The following MED13L variants were observed in gnomAD, a reference collection of about 807,000 sequenced individuals.
MED13L encodes the protein mediator complex subunit 13L.
MED13L carries 7 observed loss-of-function variants against 220.9 expected under a neutral mutation model. That is an observed-to-expected ratio of 0.03 (90% CI 0.02 to 0.06). The LOEUF (loss-of-function observed/expected upper bound fraction) is 0.06. Ranked by LOEUF, MED13L falls within the 10% of genes least tolerant of loss-of-function variation. The probability of loss-of-function intolerance (pLI) is 1.00; values close to 1 mark genes in which losing one functional copy is unlikely to be tolerated. For synonymous variants in MED13L, 1,011 were observed against 1,015.2 expected (o/e 1.00, Z 0.08); for missense variants, 1,965 against 2,760.5 (o/e 0.71, Z 6.46).
chr12:116,086,672 C>T (rs1871721957), intron 4 of MED13L, among the ~76,000 whole-genome samples: 1 of 152,196 alleles, frequency 6.6e-6, no homozygotes, highest in Non-Finnish European at 1.5e-5. Context: ...GCAAGCCACA[C>T]TTAACAGGTT....
chr12:116,103,464 T>G (rs752160182), intron 3 of MED13L, among the ~76,000 whole-genome samples: 1 of 152,152 alleles, frequency 6.6e-6, no homozygotes, highest in African/African-American at 2.4e-5. Context: ...CTTTTATTTT[T>G]ATTTAGAGAT....
chr12:116,043,919 T>C (rs533232913), intron 4 of MED13L, among the ~76,000 whole-genome samples: 1 of 152,190 alleles, frequency 6.6e-6, no homozygotes, highest in Non-Finnish European at 1.5e-5. Flanking sequence ...AGAAGCCTAA[T>C]TAATAGGGTT....
At chr12:116,241,306 TAAA>T (rs1231415481) in intron 1 of MED13L, among the ~76,000 whole-genome samples, 1 of 127,434 alleles carries the variant, frequency 7.8e-6, no homozygotes, top group South Asian at 2.5e-4. Context: ...TCCGTCTCTT[TAAA>T]AAAAAAACAA....
intron 3 of MED13L, among the ~76,000 whole-genome samples, chr12:116,099,342 A>C (rs1354695457): frequency 6.6e-6 from 1 of 152,212 alleles, no homozygotes; most frequent in Non-Finnish European, 1.5e-5. Flanking sequence ...AGTCTCCAAA[A>C]GCCATTGTTA....
intron 1 of MED13L, among the ~76,000 whole-genome samples, chr12:116,257,186 T>C (rs1164844261): frequency 6.6e-6 from 1 of 152,238 alleles, no homozygotes; most frequent in Non-Finnish European, 1.5e-5. Context: ...ATGAAGTTCA[T>C]TAGTGATATT....
At chr12:116,168,158 C>T (rs1879417323) in intron 2 of MED13L, among the ~76,000 whole-genome samples, 1 of 151,956 alleles carries the variant, frequency 6.6e-6, no homozygotes, top group African/African-American at 2.4e-5. Context: ...CAAAGAGTCA[C>T]ATGAATATAC....
intron 4 of MED13L, among the ~76,000 whole-genome samples, chr12:116,028,382 C>CAT (rs1388897686): frequency 2.0e-5 from 3 of 152,080 alleles, no homozygotes; most frequent in Non-Finnish European, 4.4e-5. Flanking sequence ...CCATTTATTT[C>CAT]ATATACTTTC....
At chr12:116,256,105 A>G (rs1336352396) in intron 1 of MED13L, among the ~76,000 whole-genome samples, 1 of 152,222 alleles carries the variant, frequency 6.6e-6, no homozygotes, top group African/African-American at 2.4e-5. Flanking sequence ...TAGAACTCCT[A>G]TAAAACTCAT....
At chr12:116,185,607 G>A (rs1010701604) in intron 2 of MED13L, among the ~76,000 whole-genome samples, 1 of 151,892 alleles carries the variant, frequency 6.6e-6, no homozygotes, top group African/African-American at 2.4e-5. Flanking sequence ...TTCCTGATAC[G>A]GCACATTTAA....
chr12:116,061,450 G>C (rs564271160), intron 4 of MED13L, among the ~76,000 whole-genome samples: 1 of 152,196 alleles, frequency 6.6e-6, no homozygotes, highest in Non-Finnish European at 1.5e-5. Flanking sequence ...GCTGCCTTAA[G>C]TCAATTAACT....
At chr12:115,987,739 G>C (rs925132595) in intron 17 of MED13L, among the ~76,000 whole-genome samples, 1 of 152,130 alleles carries the variant, frequency 6.6e-6, no homozygotes, top group East Asian at 1.9e-4. Flanking sequence ...GCTCCTAATT[G>C]TAAAAATATT....
Position 116,237,565 on chromosome 12 carries a change from T to A in MED13L, c.213A>T (p.Val71=), listed in dbSNP as rs751741298. 6.2e-7 allele frequency: 1 copy of A among 1,614,186 alleles called. No individual in the cohort carries two copies. The highest frequency in any genetic ancestry group is 1.1e-5 in the South Asian group (1 of 91,090). ...AATCTGGTTTGACATCACGACGCCATACACAAAGCAGGTTAGCTTGCAGAC... is the reference window on the plus strand; with the variant it reads ...AATCTGGTTTGACATCACGACGCCAAACACAAAGCAGGTTAGCTTGCAGAC... The part of the protein sequence containing the change: ...IRCLQANLLC[V]WRRDVKPDCK... The change falls in exon 2 of 31, where the codon GTA becomes GTT. Residue 71 remains valine, a synonymous_variant. Transcript: ENST00000281928.
chr12:116,238,692 A>G (rs536340364), intron 1 of MED13L, among the ~76,000 whole-genome samples: 2 of 152,320 alleles, frequency 1.3e-5, no homozygotes, highest in South Asian at 4.1e-4. Context: ...AAACAGCCAT[A>G]TCTTCTACTA....
intron 4 of MED13L, among the ~76,000 whole-genome samples, chr12:116,036,240 T>C (rs1881188221): frequency 6.6e-6 from 1 of 152,230 alleles, no homozygotes; most frequent in Non-Finnish European, 1.5e-5. Context: ...GAACAACTGA[T>C]ATACACAGTG....
At chr12:116,220,743 T>C (rs1883260994) in intron 2 of MED13L, among the ~76,000 whole-genome samples, 1 of 152,168 alleles carries the variant, frequency 6.6e-6, no homozygotes, top group African/African-American at 2.4e-5. Flanking sequence ...TTGATATACA[T>C]ATATTGGCAG....
Position 116,036,384 on chromosome 12 carries a change from T to C in MED13L, c.480-13783A>G, listed in dbSNP as rs73198015. On this transcript the variant is annotated intron_variant, in intron 4 of 30. Coordinates refer to ENST00000281928, the MANE Select transcript of MED13L (RefSeq NM_015335.5). ...TTGGTGTGGGTTACAACTGGGGTAG[T>C]TGGGAAAGGACTTGTATAAATGCAA... Among the ~76,000 whole-genome samples the C allele has an allele frequency of 5.6e-3, 856 of 152,332 alleles. 25 individuals are homozygous for C. Among genetic ancestry groups the C allele is most frequent in the Admixed American group, 0.04 (611 of 15,302 alleles).
chr12:116,214,914 T>G (rs1882907064), intron 2 of MED13L, among the ~76,000 whole-genome samples: 1 of 152,238 alleles, frequency 6.6e-6, no homozygotes. Flanking sequence ...CAGGCCACCC[T>G]ATTTAAGAAT....
chr12:116,227,702 T>C (rs1869143134), intron 2 of MED13L, among the ~76,000 whole-genome samples: 1 of 152,114 alleles, frequency 6.6e-6, no homozygotes, highest in Non-Finnish European at 1.5e-5. Flanking sequence ...ATCTCTCTTA[T>C]TCTCCTCAAG....
chr12:116,031,487 G>A (rs1199655149), intron 4 of MED13L, among the ~76,000 whole-genome samples: 2 of 151,014 alleles, frequency 1.3e-5, no homozygotes, highest in African/African-American at 4.9e-5. Context: ...AGCTACTCAG[G>A]AGGCTGAGGC....
Sources: gnomAD v4.1 joint callset for allele counts (sites outside exome capture counted in the v4.1 genomes callset) on GRCh38, gnomAD v4.1.1 for gene constraint, MANE v1.5 for transcripts, NCBI Gene and HGNC (gene_info 2026-07-23, HGNC 2026-07-21) for gene names.